RPSA2: variants seen among roughly 807,000 people sequenced by gnomAD.
The protein encoded by RPSA2 is small ribosomal subunit protein uS2B.
the RPSA2 span, chr19:23,799,179 T>C: frequency 6.6e-6 from 1 of 152,248 alleles, no homozygotes; most frequent in Non-Finnish European, 1.5e-5. Flanking sequence ...AGTTTTTTCT[T>C]AAGATGCTTT....
At chr19:23,845,698 G>A in the RPSA2 span, among the ~76,000 whole-genome samples, 2 of 152,104 alleles carry the variant, frequency 1.3e-5, no homozygotes, top group Middle Eastern at 3.2e-3. Flanking sequence ...TTTGCATGTT[G>A]CTCAGGCCGT....
chr19:23,841,166 C>A, the RPSA2 span, among the ~76,000 whole-genome samples: 2 of 152,032 alleles, frequency 1.3e-5, no homozygotes, highest in African/African-American at 4.8e-5. Context: ...ACTTGGTTAA[C>A]GTGTTTTCTC....
the RPSA2 span, among the ~76,000 whole-genome samples, chr19:23,778,293 A>C: frequency 6.6e-6 from 1 of 152,112 alleles, no homozygotes; most frequent in East Asian, 1.9e-4. Context: ...GCTAACCGCA[A>C]CCTCTGCCTC....
the RPSA2 span, among the ~76,000 whole-genome samples, chr19:23,851,425 C>T: frequency 6.6e-6 from 1 of 152,088 alleles, no homozygotes; most frequent in African/African-American, 2.4e-5. Context: ...TACCAGCAGC[C>T]ATGGGTCCTG....
chr19:23,760,279 T>C, the RPSA2 span, among the ~76,000 whole-genome samples: 2 of 152,192 alleles, frequency 1.3e-5, no homozygotes, highest in African/African-American at 4.8e-5. Context: ...AAGTGGCTGT[T>C]TTTGTGTTTT....
the RPSA2 span, among the ~76,000 whole-genome samples, chr19:23,806,784 CA>C: frequency 0.15 from 10,632 of 71,190 alleles, 251 homozygotes; most frequent in Middle Eastern, 0.24. Context: ...GACTGAGTCT[CA>C]AAAAAAAAAA....
the RPSA2 span, chr19:23,790,742 A>G: frequency 2.2e-6 from 1 of 462,606 alleles, no homozygotes; most frequent in Non-Finnish European, 4.1e-6. Context: ...ATCCACAGCA[A>G]AGACGCCAGG....
chr19:23,806,838 C>T, the RPSA2 span, among the ~76,000 whole-genome samples: 1 of 149,204 alleles, frequency 6.7e-6, no homozygotes, highest in African/African-American at 2.5e-5. Flanking sequence ...TATTTGGGTG[C>T]TAAAGAGAGA....
the RPSA2 span, among the ~76,000 whole-genome samples, chr19:23,780,266 A>G: frequency 1.3e-5 from 2 of 152,114 alleles, no homozygotes; most frequent in African/African-American, 2.4e-5. Context: ...CACCCTGCCA[A>G]TTTTTAGAAT....
the RPSA2 span, among the ~76,000 whole-genome samples, chr19:23,868,511 C>CA: frequency 0.098 from 14,714 of 150,008 alleles, 957 homozygotes; most frequent in South Asian, 0.18. Context: ...GTTGAGAAAA[C>CA]AAAAAAAAAG....
At chr19:23,790,516 A>G in the RPSA2 span, among the ~76,000 whole-genome samples, 1 of 152,172 alleles carries the variant, frequency 6.6e-6, no homozygotes, top group African/African-American at 2.4e-5. Flanking sequence ...CAGGGCCTTG[A>G]GAAGGTGGGG....
the RPSA2 span, among the ~76,000 whole-genome samples, chr19:23,841,457 CCG>C: frequency 2.0e-4 from 30 of 152,238 alleles, no homozygotes; most frequent in African/African-American, 7.0e-4. Flanking sequence ...GAGCCAGACT[CCG>C]TCTCAAAAAA....
the RPSA2 span, chr19:23,832,089 C>T: frequency 1.3e-5 from 6 of 459,242 alleles, no homozygotes; most frequent in East Asian, 5.9e-5. Context: ...TTAAGCAACA[C>T]TCAACCCTTA....
chr19:23,827,018 C>T, the RPSA2 span: 1 of 662,460 alleles, frequency 1.5e-6, no homozygotes, highest in South Asian at 1.7e-5. Flanking sequence ...ATTATATCTA[C>T]TGAATGATTT....
At chr19:23,808,373 G>C in the RPSA2 span, among the ~76,000 whole-genome samples, 1 of 150,068 alleles carries the variant, frequency 6.7e-6, no homozygotes, top group South Asian at 2.1e-4. Context: ...AGGTTCAAGC[G>C]ATTCTGCCTC....
At chr19:23,776,390 C>G in the RPSA2 span, among the ~76,000 whole-genome samples, 1 of 152,142 alleles carries the variant, frequency 6.6e-6, no homozygotes, top group Non-Finnish European at 1.5e-5. Context: ...AGTTTTCTCT[C>G]CTGCTTTGGT....
the RPSA2 span, among the ~76,000 whole-genome samples, chr19:23,842,085 T>C: frequency 0.42 from 64,149 of 152,080 alleles, 14,405 homozygotes; most frequent in Non-Finnish European, 0.52. Context: ...ACATCACTGG[T>C]GAGTTTGTTT....
At chr19:23,856,169 TGTG>T in the RPSA2 span, among the ~76,000 whole-genome samples, 4 of 151,984 alleles carry the variant, frequency 2.6e-5, no homozygotes, top group Admixed American at 6.6e-5. Flanking sequence ...TTCAGAAAAT[TGTG>T]GTAACTGCAG....
At chr19:23,761,930 TTTTTTGA>T in the RPSA2 span, among the ~76,000 whole-genome samples, 2 of 127,438 alleles carry the variant, frequency 1.6e-5, no homozygotes, top group African/African-American at 3.1e-5. Flanking sequence ...CTTTTTTTTT[TTTTTTGA>T]GATGGAGTCT....
Sources: allele counts gnomAD v4.1 joint callset (sites outside exome capture counted in the v4.1 genomes callset), GRCh38; gene constraint gnomAD v4.1.1; transcripts MANE v1.5; gene names NCBI Gene and HGNC (gene_info 2026-07-23, HGNC 2026-07-21).